The following RAP1GAP2 variants were observed in gnomAD, a reference collection of about 807,000 sequenced individuals.
RAP1GAP2 encodes the protein rap1 GTPase-activating protein 2.
In RAP1GAP2, 27 loss-of-function variants were observed where a neutral mutation model predicts 95.0. That is an observed-to-expected ratio of 0.28 (90% CI 0.21 to 0.39). The LOEUF (loss-of-function observed/expected upper bound fraction) is 0.39. Among genes scored for constraint, RAP1GAP2 ranks in the 10% least tolerant of loss-of-function variants. The probability of loss-of-function intolerance (pLI) is 1.00; values close to 1 mark genes in which losing one functional copy is unlikely to be tolerated. For synonymous variants in RAP1GAP2, 373 were observed against 380.9 expected (o/e 0.98, Z 0.24); for missense variants, 771 against 970.0 (o/e 0.79, Z 2.72).
intron 3 of RAP1GAP2, among the ~76,000 whole-genome samples, chr17:2,950,874 G>A (rs376681835): frequency 2.4e-4 from 37 of 152,272 alleles, no homozygotes; most frequent in African/African-American, 5.8e-4. Flanking sequence ...GCCTCCCTAA[G>A]TGCTGGGATT....
At chr17:2,768,183 G>A (rs1229281442) in intron 1 of RAP1GAP2, among the ~76,000 whole-genome samples, 1 of 152,146 alleles carries the variant, frequency 6.6e-6, no homozygotes, top group African/African-American at 2.4e-5. Context: ...CCCAAAGAGG[G>A]GATTATTGGG....
chr17:2,784,817 C>T (rs189268828), intron 1 of RAP1GAP2, among the ~76,000 whole-genome samples: 178 of 152,250 alleles, frequency 1.2e-3, no homozygotes, highest in Admixed American at 2.0e-3. Context: ...GGGCCTGGGA[C>T]ACATGTTGCT....
chr17:2,897,516 T>C (rs967818462), intron 2 of RAP1GAP2, among the ~76,000 whole-genome samples: 2 of 151,464 alleles, frequency 1.3e-5, no homozygotes, highest in Non-Finnish European at 1.5e-5. Flanking sequence ...GATCAAGCAA[T>C]TTCTGGCTAA....
intron 2 of RAP1GAP2, among the ~76,000 whole-genome samples, chr17:2,802,073 G>A (rs2069325285): frequency 6.6e-6 from 1 of 152,108 alleles, no homozygotes; most frequent in African/African-American, 2.4e-5. Flanking sequence ...TATTCTCCCG[G>A]CACATGTGAA....
chr17:2,768,446 C>A (rs1410756995), intron 1 of RAP1GAP2, among the ~76,000 whole-genome samples: 1 of 152,172 alleles, frequency 6.6e-6, no homozygotes, highest in Non-Finnish European at 1.5e-5. Flanking sequence ...AATCCCAGAA[C>A]TTTGGGAGGC....
intron 2 of RAP1GAP2, among the ~76,000 whole-genome samples, chr17:2,862,322 A>G (rs1204315079): frequency 1.3e-5 from 2 of 152,220 alleles, no homozygotes; most frequent in Non-Finnish European, 2.9e-5. Context: ...ATTAGCCAAT[A>G]TATATATTTT....
intron 2 of RAP1GAP2, among the ~76,000 whole-genome samples, chr17:2,849,828 G>A (rs2071752919): frequency 1.3e-5 from 2 of 152,140 alleles, no homozygotes; most frequent in Admixed American, 6.5e-5. Context: ...CATTTCCTGC[G>A]GTCTGCATGT....
intron 2 of RAP1GAP2, among the ~76,000 whole-genome samples, chr17:2,846,939 A>G (rs2071614030): frequency 6.6e-6 from 1 of 152,236 alleles, no homozygotes; most frequent in Admixed American, 6.5e-5. Flanking sequence ...ATAGTAGTTG[A>G]TAATAATGGT....
Position 2,965,877 on chromosome 17 carries a change from C to T in RAP1GAP2, c.596+234C>T, listed in dbSNP as rs1050393862. On this transcript the variant is annotated intron_variant, in intron 8 of 24. Transcript: ENST00000254695. The surrounding 1 kb of genome is among the most constrained non-coding windows in gnomAD (Gnocchi z 4.7). ...CAGAGGGGCATCCAGGTCTCAAGGT[C>T]ACCCAGACTGTACCCCTTCCTGCCC... 2.0e-5 allele frequency: 11 copies of T among 549,376 alleles called. No homozygotes were observed. Among genetic ancestry groups the T allele is most frequent in the African/African-American group, 1.9e-4 (10 of 52,976 alleles). The allele number at this position is 549,376 out of a possible 1,614,324, so 34.0% of individuals were successfully genotyped here.
intron 2 of RAP1GAP2, among the ~76,000 whole-genome samples, chr17:2,836,968 A>T (rs2071158089): frequency 1.3e-5 from 2 of 151,960 alleles, no homozygotes; most frequent in Admixed American, 1.3e-4. Context: ...ACATGAATTG[A>T]GGCCAGTAAC....
chr17:2,936,074 C>G (rs2043299802), intron 3 of RAP1GAP2, among the ~76,000 whole-genome samples: 1 of 151,714 alleles, frequency 6.6e-6, no homozygotes, highest in Non-Finnish European at 1.5e-5. Context: ...CCTGTCTCCA[C>G]CTCCAGTGGC....
chr17:2,961,502 G>C (rs977779501), intron 4 of RAP1GAP2, among the ~76,000 whole-genome samples: 1 of 151,996 alleles, frequency 6.6e-6, no homozygotes, highest in African/African-American at 2.4e-5. Context: ...GCAATAGAGA[G>C]AGACTCCGTC....
Position 2,870,639 on chromosome 17 carries a change from G to T in RAP1GAP2, c.81-34645G>T, listed in dbSNP as rs770572666. 6.6e-6 allele frequency among the ~76,000 whole-genome samples: 1 copy of T among 151,874 alleles called. No homozygotes were observed. Among genetic ancestry groups the T allele is most frequent in the Admixed American group, 6.6e-5 (1 of 15,256 alleles). On this transcript the variant is annotated intron_variant, in intron 2 of 24. Transcript: ENST00000254695. This position sits in a 1 kb window ranked among gnomAD's most constrained non-coding sequence, Gnocchi z 4.4. ...GTAATATACTTACATCTGCATCTACGTCTGTTTCTCTGTATTGTAACAAAG... is the reference window on the plus strand; with the variant it reads ...GTAATATACTTACATCTGCATCTACTTCTGTTTCTCTGTATTGTAACAAAG...
intron 1 of RAP1GAP2, among the ~76,000 whole-genome samples, chr17:2,760,903 A>G (rs72817338): frequency 0.13 from 19,483 of 151,934 alleles, 1,522 homozygotes; most frequent in East Asian, 0.3. Context: ...TGGTATTATG[A>G]GTTTTGGGGA....
chr17:2,998,092 C>T lies in RAP1GAP2; in HGVS notation c.1045-129C>T, dbSNP rs2046028182. On this transcript the variant is annotated intron_variant, in intron 13 of 24. Transcript: ENST00000254695. Reference sequence around the variant, plus strand: ...TTTCATACTTAAACTTCCAAAACAACAACCACGAACTCTTCTCACTCAGAA... The same window carrying T: ...TTTCATACTTAAACTTCCAAAACAATAACCACGAACTCTTCTCACTCAGAA... The T allele has an allele frequency of 2.8e-6, 3 of 1,079,988 alleles. No homozygotes were observed. In the Admixed American group the frequency reaches 6.4e-5, roughly 23 times the overall value. The allele number at this position is 1,079,988 out of a possible 1,614,324, so 66.9% of individuals were successfully genotyped here.
At chr17:2,997,291 G>C (rs1366221117) in intron 13 of RAP1GAP2, among the ~76,000 whole-genome samples, 3 of 152,102 alleles carry the variant, frequency 2.0e-5, no homozygotes, top group Non-Finnish European at 4.4e-5. Flanking sequence ...AAGACCCCCT[G>C]ACACGTCTCC....
intron 2 of RAP1GAP2, among the ~76,000 whole-genome samples, chr17:2,824,623 C>G (rs1404738911): frequency 6.8e-6 from 1 of 146,476 alleles, no homozygotes; most frequent in Non-Finnish European, 1.5e-5. Context: ...GCCTGTAATC[C>G]TAGCTACTCG....
At chr17:2,970,211 T>C (rs1168902796) in intron 8 of RAP1GAP2, among the ~76,000 whole-genome samples, 4 of 144,596 alleles carry the variant, frequency 2.8e-5, no homozygotes, top group Non-Finnish European at 6.0e-5. Flanking sequence ...GATGCGCAGG[T>C]TGCAGTGAGC....
upstream of RAP1GAP2, among the ~76,000 whole-genome samples, chr17:2,775,096 C>T (rs920266304): frequency 6.0e-5 from 9 of 150,182 alleles, no homozygotes; most frequent in African/African-American, 1.7e-4. Context: ...CCTCCCAAAG[C>T]GCTAGGATTA....
Sources: gnomAD v4.1 joint callset for allele counts (sites outside exome capture counted in the v4.1 genomes callset) on GRCh38, gnomAD v4.1.1 for gene constraint, Gnocchi (gnomAD v3.1) non-coding constraint, MANE v1.5 for transcripts, NCBI Gene and HGNC (gene_info 2026-07-23, HGNC 2026-07-21) for gene names.